ATG4B: variants seen among roughly 807,000 people sequenced by gnomAD.
The protein encoded by ATG4B is cysteine protease ATG4B.
A neutral mutation model predicts 56.6 loss-of-function variants in ATG4B; 29 were observed. That is an observed-to-expected ratio of 0.51 (90% confidence interval 0.38 to 0.70). ATG4B has a LOEUF of 0.70. Among genes scored for constraint, ATG4B ranks in the 30% least tolerant of loss-of-function variants. ATG4B has a pLI of 0.00. For missense variants in ATG4B, 461 were observed against 515.5 expected (o/e 0.89, Z 1.02); for synonymous variants, 224 against 206.1 (o/e 1.09, Z -0.74).
intron 1 of ATG4B, among the ~76,000 whole-genome samples, chr2:241,640,107 T>C (rs988781317): frequency 1.3e-5 from 2 of 152,214 alleles, no homozygotes; most frequent in South Asian, 2.1e-4. Context: ...GTCGATCATA[T>C]GACCTAAAAT....
At chr2:241,652,857 A>C (rs1157972670) in intron 3 of ATG4B, among the ~76,000 whole-genome samples, 3 of 152,202 alleles carry the variant, frequency 2.0e-5, no homozygotes, top group African/African-American at 7.2e-5. Flanking sequence ...CTGACCCCTG[A>C]ATCTCTGCTT....
At chr2:241,655,144 C>A in intron 5 of ATG4B, 127 bp from the exon 6 acceptor site, 1 of 869,436 alleles carries the variant, frequency 1.2e-6, no homozygotes, top group South Asian at 1.6e-5. Context: ...TTGGGGCATC[C>A]TTCCGTCTGG....
At chr2:241,658,982 G>A in intron 6 of ATG4B, 126 bp from the exon 7 acceptor site, 1 of 637,214 alleles carries the variant, frequency 1.6e-6, no homozygotes. Flanking sequence ...CGGATTTTAG[G>A]AGCCTTGGCC....
rs559086690 is a variant in ATG4B, at chr2:241,660,666, C to G, written c.538+1479C>G. Among the ~76,000 whole-genome samples the G allele has an allele frequency of 1.2e-4, 18 of 152,298 alleles. 2 individuals carry two copies. In the South Asian group the frequency reaches 3.7e-3, roughly 32 times the overall value. ...TAACTCATATGAGCATTTTGACATT[C>G]TTACTCTCAGTATTTCTCCTGTGCT... On this transcript the variant is annotated intron_variant, in intron 7 of 12. Coordinates refer to ENST00000404914, the MANE Select transcript of ATG4B (RefSeq NM_013325.5).
intron 10 of ATG4B, among the ~76,000 whole-genome samples, chr2:241,670,337 G>A (rs2068923346): frequency 6.6e-6 from 1 of 152,070 alleles, no homozygotes; most frequent in African/African-American, 2.4e-5. Context: ...AAGCTTCCAG[G>A]GAGCTGCTGG....
chr2:241,673,547 A>G lies in ATG4B; in HGVS notation c.*1283A>G, dbSNP rs565320861. The G allele has an allele frequency of 2.6e-5, 12 of 453,536 alleles. No individual in the cohort carries two copies. The highest frequency in any genetic ancestry group is 7.0e-5 in the East Asian group (1 of 14,314). The allele number at this position is 453,536 out of a possible 1,614,324, so 28.1% of individuals were successfully genotyped here. On this transcript the variant is annotated 3_prime_UTR_variant, in exon 13 of 13. Transcript: ENST00000404914. Reference sequence around the variant, plus strand: ...GTCGGCACTGACCGGCCCACCTGGTAGCAGAGGACACCCCCAGCCCCCCAA... The same window carrying G: ...GTCGGCACTGACCGGCCCACCTGGTGGCAGAGGACACCCCCAGCCCCCCAA...
At chr2:241,658,936 T>G (rs1229975148) in intron 6 of ATG4B, among the ~76,000 whole-genome samples, 172 bp from the exon 7 acceptor site, 1 of 152,258 alleles carries the variant, frequency 6.6e-6, no homozygotes, top group Non-Finnish European at 1.5e-5. Context: ...AGATTTACCC[T>G]CAGCTTTCTT....
At chr2:241,666,934 C>T in intron 8 of ATG4B, 96 bp downstream of exon 8, 2 of 1,400,674 alleles carry the variant, frequency 1.4e-6, no homozygotes, top group Non-Finnish European at 1.9e-6. Context: ...GCCATTTGTG[C>T]AGCCGGCTCT....
At chr2:241,645,193 C>T (rs926831810) in intron 1 of ATG4B, among the ~76,000 whole-genome samples, 2 of 152,044 alleles carry the variant, frequency 1.3e-5, no homozygotes, top group African/African-American at 4.8e-5. Context: ...AGTGTGGGGC[C>T]CCTAGAGTAC....
intron 1 of ATG4B, among the ~76,000 whole-genome samples, chr2:241,645,025 A>C (rs760347456): frequency 2.6e-4 from 39 of 152,090 alleles, no homozygotes; most frequent in Non-Finnish European, 2.1e-4. Context: ...AAGATCTGGA[A>C]GGTCAGGGAG....
intron 12 of ATG4B, 108 bp downstream of exon 12, chr2:241,671,513 A>G (rs1461744414): frequency 6.5e-7 from 1 of 1,550,362 alleles, no homozygotes; most frequent in Non-Finnish European, 8.7e-7. Context: ...TGTGAGCCTG[A>G]GCCGTGAGCA....
chr2:241,639,500 C>T (rs1379385230), intron 1 of ATG4B, among the ~76,000 whole-genome samples: 1 of 152,214 alleles, frequency 6.6e-6, no homozygotes, highest in African/African-American at 2.4e-5. Flanking sequence ...CACAGTGTTA[C>T]AGCCTTCTTT....
At chr2:241,650,075 T>G (rs2068184797) in intron 1 of ATG4B, among the ~76,000 whole-genome samples, 2 of 152,210 alleles carry the variant, frequency 1.3e-5, no homozygotes. Flanking sequence ...TGAGCCACTG[T>G]GCCTGGCCTA....
rs1575098322 is a variant in ATG4B, at chr2:241,673,206, G to A, written c.*942G>A. On this transcript the variant is annotated 3_prime_UTR_variant, in exon 13 of 13. Transcript: ENST00000404914. The stretch of plus-strand genomic sequence containing the variant: ...AAGGGGAAAACCACTTGAGTCTTGT[G>A]GTGTGTGGTGGGCAGACACCACAGG... 2 of 257,736 alleles carry A rather than the reference G, an allele frequency of 7.8e-6. No homozygotes were observed. Among genetic ancestry groups the A allele is most frequent in the East Asian group, 8.6e-5 (1 of 11,686 alleles). 16.0% of individuals were successfully genotyped at this position (257,736 alleles called of 1,614,324 possible).
rs62190317 is a variant in ATG4B, at chr2:241,672,736, C to T, written c.*472C>T. On this transcript the variant is annotated 3_prime_UTR_variant, in exon 13 of 13. Coordinates refer to ENST00000404914, the MANE Select transcript of ATG4B (RefSeq NM_013325.5). ...CACACTGCGGCCCCACGCCCAAGGA[C>T]TGGGCTGCTCTCGAGGGGGGCGCGC... 0.043 allele frequency: 7,778 copies of T among 181,358 alleles called. 222 individuals carry two copies. The highest frequency in any genetic ancestry group is 0.078 in the Middle Eastern group (28 of 358). The allele number at this position is 181,358 out of a possible 1,614,324, so 11.2% of individuals were successfully genotyped here. A position where few individuals can be genotyped will look rare whatever the true frequency, so the allele number is the denominator to read the frequency against.
At chr2:241,659,615 G>C (rs2068528904) in intron 7 of ATG4B, 1 of 333,172 alleles carries the variant, frequency 3.0e-6, no homozygotes, top group African/African-American at 2.2e-5. Context: ...CAGCTTTCTG[G>C]AAGAAAGGTC....
chr2:241,654,631 C>T lies in ATG4B; in HGVS notation c.369C>T (p.Tyr123=). 4 of 1,597,746 alleles carry T rather than the reference C, an allele frequency of 2.5e-6. No homozygotes were observed. Among genetic ancestry groups the T allele is most frequent in the Middle Eastern group, 1.7e-4 (1 of 6,046 alleles). The part of the protein sequence containing the change: ...NAFIDRKDSY[Y]SIHQIAQMGV... The stretch of plus-strand genomic sequence containing the variant: ...TCATCGACAGGAAGGACAGTTACTA[C>T]TCCATTCACCAGATAGGTGGGAGGC... Residue 123 remains tyrosine (Y), a synonymous_variant, in exon 5 of 13, where the codon TAC becomes TAT. Transcript: ENST00000404914.
chr2:241,652,897 C>T (rs1309727252), intron 3 of ATG4B, among the ~76,000 whole-genome samples: 8 of 152,234 alleles, frequency 5.3e-5, no homozygotes, highest in South Asian at 2.1e-4. Flanking sequence ...ACCTAGCAGC[C>T]TCTTGTCTGC....
At position 241,671,461 on chromosome 2, in the gene ATG4B, T is replaced by C. The variant is rs767591456; in HGVS notation, c.1108+56T>C. The stretch of plus-strand genomic sequence containing the variant: ...TCGGAGGTACGATCTGTGCCCTTGC[T>C]TCCCCAGTCCTGGCCCCCTTGGTTT... On this transcript the variant is annotated intron_variant, in intron 12 of 12. Transcript: ENST00000404914. 10 of 1,596,682 alleles carry C rather than the reference T, an allele frequency of 6.3e-6. No homozygotes were observed. In the African/African-American group the frequency reaches 1.3e-4, roughly 21 times the overall value.
Sources: gnomAD v4.1 joint callset for allele counts (sites outside exome capture counted in the v4.1 genomes callset) on GRCh38, gnomAD v4.1.1 for gene constraint, MANE v1.5 for transcripts, NCBI Gene and HGNC (gene_info 2026-07-23, HGNC 2026-07-21) for gene names.